Variants in PTPRN2 observed in about 807,000 individuals in gnomAD.
PTPRN2 encodes receptor-type tyrosine-protein phosphatase N2.
A neutral mutation model predicts 118.8 loss-of-function variants in PTPRN2; 74 were observed. The observed-to-expected ratio is 0.62, with a 90% confidence interval of 0.52 to 0.76. PTPRN2 has a LOEUF of 0.76. PTPRN2 is among the 30% of genes least tolerant of loss of function. The pLI is 0.00. For missense variants in PTPRN2, 1,481 were observed against 1,394.4 expected (o/e 1.06, Z -0.99); for synonymous variants, 641 against 608.0 (o/e 1.05, Z -0.80).
chr7:157,760,228 C>T (rs760836728), intron 12 of PTPRN2, among the ~76,000 whole-genome samples: 5 of 152,128 alleles, frequency 3.3e-5, no homozygotes, highest in Non-Finnish European at 7.3e-5. Flanking sequence ...CGCCCTGCCC[C>T]AAATCTTACA....
chr7:158,520,427 A>G (rs900417673), intron 1 of PTPRN2, among the ~76,000 whole-genome samples: 2 of 152,216 alleles, frequency 1.3e-5, no homozygotes, highest in Non-Finnish European at 2.9e-5. Context: ...TGCCACTACA[A>G]TTTAAAACAG....
At chr7:157,658,722 G>C (rs1294935306) in intron 13 of PTPRN2, among the ~76,000 whole-genome samples, 5 of 152,222 alleles carry the variant, frequency 3.3e-5, no homozygotes. Context: ...CCTATTGCCT[G>C]ATGAAAATAT....
intron 1 of PTPRN2, among the ~76,000 whole-genome samples, chr7:158,519,619 G>A (rs753868846): frequency 1.3e-5 from 2 of 152,100 alleles, no homozygotes; most frequent in Non-Finnish European, 1.5e-5. Context: ...TGATCTGGGT[G>A]ACTCTGGACC....
rs1483962937 is a variant in PTPRN2 at position 158,015,226 on chromosome 7, G to A, written c.1723+66072C>T. Among the ~76,000 whole-genome samples, 1 of 152,112 alleles carries A rather than the reference G, an allele frequency of 6.6e-6. No individual in the cohort carries two copies. Among genetic ancestry groups the A allele is most frequent in the Non-Finnish European group, 1.5e-5 (1 of 68,016 alleles). Reference sequence around the variant, plus strand: ...AGTCTGTGCCTCATTTCTACTCCACGTTGAATCTTTGAATCTAGTGATTTG... The same window carrying A: ...AGTCTGTGCCTCATTTCTACTCCACATTGAATCTTTGAATCTAGTGATTTG... On this transcript the variant is annotated intron_variant, in intron 11 of 22. Transcript: ENST00000389418. This position sits in a 1 kb window ranked among gnomAD's most constrained non-coding sequence, Gnocchi z 4.2.
chr7:157,933,600 G>A (rs1799521178), intron 11 of PTPRN2, among the ~76,000 whole-genome samples: 1 of 150,360 alleles, frequency 6.7e-6, no homozygotes, highest in East Asian at 2.0e-4. Flanking sequence ...CACTCTGATT[G>A]ACAGTTTTAG....
At chr7:157,904,378 C>T (rs1282877607) in intron 11 of PTPRN2, among the ~76,000 whole-genome samples, 2 of 152,228 alleles carry the variant, frequency 1.3e-5, no homozygotes, top group Admixed American at 1.3e-4. Flanking sequence ...TGTCACTGCT[C>T]CCCTCCCGTG....
Position 157,596,493 on chromosome 7 carries a change from A to G in PTPRN2, c.2419-1178T>C, listed in dbSNP as rs1461209385. On this transcript the variant is annotated intron_variant, in intron 16 of 22. Transcript: ENST00000389418. The surrounding 1 kb of genome is among the most constrained non-coding windows in gnomAD (Gnocchi z 4.2). ...TTTATTTCGAAGATTAAGCACAGAA[A>G]AAAGAACTTGAGGACAAAGCCTTGA... 1.3e-5 allele frequency among the ~76,000 whole-genome samples: 2 copies of G among 152,358 alleles called. No individual in the cohort carries two copies. The highest frequency in any genetic ancestry group is 3.9e-4 in the East Asian group (2 of 5,180).
chr7:157,975,560 C>G (rs1267825111), intron 11 of PTPRN2, among the ~76,000 whole-genome samples: 1 of 152,138 alleles, frequency 6.6e-6, no homozygotes, highest in Non-Finnish European at 1.5e-5. Flanking sequence ...CAAACTTGGG[C>G]GAGCTCCCTA....
chr7:158,468,666 T>A lies in PTPRN2; in HGVS notation c.163+21069A>T, dbSNP rs1315286311. Among the ~76,000 whole-genome samples, 5 of 152,100 alleles carry A rather than the reference T, an allele frequency of 3.3e-5. No individual in the cohort carries two copies. The South Asian group carries it at 8.3e-4, about 25-fold the overall frequency. On this transcript the variant is annotated intron_variant, in intron 2 of 22. Transcript: ENST00000389418. Reference sequence around the variant, plus strand: ...CTTGAATAGAGAGGGGTGCGCAGGGTGGTGGCAGGGCAAGACAAGCCCAAG... The same window carrying A: ...CTTGAATAGAGAGGGGTGCGCAGGGAGGTGGCAGGGCAAGACAAGCCCAAG...
chr7:157,673,761 C>T (rs1202552059), intron 13 of PTPRN2, among the ~76,000 whole-genome samples: 1 of 152,098 alleles, frequency 6.6e-6, no homozygotes, highest in African/African-American at 2.4e-5. Flanking sequence ...GTTCTGTTCT[C>T]ACGTACTCTG....
intron 2 of PTPRN2, among the ~76,000 whole-genome samples, chr7:158,418,695 G>A (rs959244620): frequency 5.3e-5 from 8 of 150,198 alleles, no homozygotes; most frequent in South Asian, 2.1e-4. Flanking sequence ...GTACTACATC[G>A]AGATGCTGTA....
intron 11 of PTPRN2, among the ~76,000 whole-genome samples, chr7:158,066,520 C>A (rs976803273): frequency 1.3e-5 from 2 of 152,186 alleles, no homozygotes; most frequent in African/African-American, 4.8e-5. Flanking sequence ...AGGAACACAG[C>A]CTTTTCAGCT....
chr7:158,113,013 G>GAGGGCCCCCCGGCATTT (rs1168343733), intron 9 of PTPRN2, among the ~76,000 whole-genome samples: 1 of 150,966 alleles, frequency 6.6e-6, no homozygotes, highest in East Asian at 1.9e-4. Context: ...CCCCAGCATT[G>GAGGGCCCCCCGGCATTT]AGGGCCCCCC....
chr7:158,055,861 C>T (rs899984386), intron 11 of PTPRN2, among the ~76,000 whole-genome samples: 1 of 124,666 alleles, frequency 8.0e-6, no homozygotes, highest in Non-Finnish European at 1.7e-5. Context: ...TCCCCAGGGC[C>T]CAGCTCTTTT....
rs1274543857 is a variant in PTPRN2 at position 158,489,728 on chromosome 7, C to T, written c.163+7G>A. On this transcript the variant is annotated splice_region_variant and intron_variant, in intron 2 of 22. Coordinates refer to ENST00000389418, the MANE Select transcript of PTPRN2 (RefSeq NM_002847.5). ...CCAGGGCGCAGCAGCCAGGACCCCA[C>T]ACTCACCGTTCACACAGGCCTCGGA... 10 of 1,577,228 alleles carry T rather than the reference C, an allele frequency of 6.3e-6. No homozygotes were observed. The highest frequency in any genetic ancestry group is 4.1e-5 in the African/African-American group (3 of 74,062).
intron 3 of PTPRN2, among the ~76,000 whole-genome samples, chr7:158,249,023 TAA>T (rs1446211476): frequency 7.6e-6 from 1 of 132,346 alleles, no homozygotes; most frequent in Non-Finnish European, 1.6e-5. Flanking sequence ...TGTGCATACA[TAA>T]ACACACGTGC....
At chr7:158,479,463 A>G (rs969466759) in intron 2 of PTPRN2, among the ~76,000 whole-genome samples, 1 of 152,026 alleles carries the variant, frequency 6.6e-6, no homozygotes, top group African/African-American at 2.4e-5. Flanking sequence ...CTCCATTTTC[A>G]TGATTAGCAA....
intron 12 of PTPRN2, among the ~76,000 whole-genome samples, chr7:157,767,824 A>G (rs957871499): frequency 6.6e-6 from 1 of 152,370 alleles, no homozygotes; most frequent in East Asian, 1.9e-4. Flanking sequence ...CTGAAGCAGA[A>G]ACTTCCAGCT....
chr7:158,356,376 G>A (rs1808383703), intron 2 of PTPRN2, among the ~76,000 whole-genome samples: 1 of 152,180 alleles, frequency 6.6e-6, no homozygotes, highest in Non-Finnish European at 1.5e-5. Flanking sequence ...CTTAGTTGCA[G>A]GAACTCTGTT....
Sources: allele counts gnomAD v4.1 joint callset (sites outside exome capture counted in the v4.1 genomes callset), GRCh38; gene constraint gnomAD v4.1.1; non-coding constraint Gnocchi (gnomAD v3.1); transcripts MANE v1.5; gene names NCBI Gene and HGNC (gene_info 2026-07-23, HGNC 2026-07-21).